Variants in CYP7B1 observed in about 807,000 individuals in gnomAD.
The protein encoded by CYP7B1 is cytochrome P450 7B1.
In CYP7B1, 29 loss-of-function variants were observed where a neutral mutation model predicts 42.7. That is an observed-to-expected ratio of 0.68 (90% confidence interval 0.51 to 0.93). The LOEUF (loss-of-function observed/expected upper bound fraction) is 0.93. Ranked by LOEUF, CYP7B1 falls within the 40% of genes least tolerant of loss-of-function variation. The probability of loss-of-function intolerance (pLI) is 0.00; values close to 1 mark genes in which losing one functional copy is unlikely to be tolerated. For missense variants in CYP7B1, 655 were observed against 600.5 expected (o/e 1.09, Z -0.95); for synonymous variants, 235 against 218.2 (o/e 1.08, Z -0.68).
At chr8:64,650,716 C>T (rs964279812) in intron 1 of CYP7B1, among the ~76,000 whole-genome samples, 3 of 152,120 alleles carry the variant, frequency 2.0e-5, no homozygotes, top group Non-Finnish European at 2.9e-5. Context: ...ATAAGCCTGG[C>T]AAAGATTTTT....
intron 1 of CYP7B1, among the ~76,000 whole-genome samples, chr8:64,665,242 G>A (rs888614786): frequency 4.6e-5 from 7 of 152,130 alleles, no homozygotes; most frequent in African/African-American, 1.4e-4. Flanking sequence ...AGGGGTGGGA[G>A]GAGATAAAGT....
chr8:64,775,875 G>A (rs181753483), intron 1 of CYP7B1, among the ~76,000 whole-genome samples: 1 of 152,242 alleles, frequency 6.6e-6, no homozygotes, highest in Non-Finnish European at 1.5e-5. Context: ...TGTGAGAATA[G>A]TAATGTCCTT....
At chr8:64,734,637 C>T (rs1807460133) in intron 1 of CYP7B1, among the ~76,000 whole-genome samples, 1 of 152,178 alleles carries the variant, frequency 6.6e-6, no homozygotes, top group Non-Finnish European at 1.5e-5. Context: ...ACATGCAAGC[C>T]ATAGCAGATC....
At chr8:64,754,780 T>C (rs935718396) in intron 1 of CYP7B1, among the ~76,000 whole-genome samples, 1 of 152,114 alleles carries the variant, frequency 6.6e-6, no homozygotes, top group African/African-American at 2.4e-5. Flanking sequence ...AGGAGTGATA[T>C]GTTGAGAATT....
chr8:64,763,438 A>G (rs73243431), intron 1 of CYP7B1, among the ~76,000 whole-genome samples: 5,655 of 152,266 alleles, frequency 0.037, 353 homozygotes, highest in African/African-American at 0.13. Flanking sequence ...GGGAACTCTA[A>G]CAACAAAGAC....
chr8:64,761,644 T>G (rs1298756943), intron 1 of CYP7B1, among the ~76,000 whole-genome samples: 1 of 152,260 alleles, frequency 6.6e-6, no homozygotes, highest in East Asian at 1.9e-4. Flanking sequence ...GTTCCCAGAG[T>G]GCCGGACACA....
chr8:64,717,172 T>A (rs1585874059), intron 1 of CYP7B1, among the ~76,000 whole-genome samples: 1 of 79,450 alleles, frequency 1.3e-5, no homozygotes, highest in African/African-American at 9.0e-5. Context: ...ATGGTACATC[T>A]TTTTTTTCCA....
intron 5 of CYP7B1, 27 bp from the exon 6 acceptor site, chr8:64,596,956 A>C (rs372145671): frequency 6.4e-7 from 1 of 1,574,784 alleles, no homozygotes; most frequent in Non-Finnish European, 8.7e-7. Flanking sequence ...TGTTAAAATT[A>C]ACATTTTATA....
intron 1 of CYP7B1, among the ~76,000 whole-genome samples, chr8:64,710,010 T>A (rs1382478337): frequency 6.6e-6 from 1 of 152,140 alleles, no homozygotes; most frequent in Non-Finnish European, 1.5e-5. Flanking sequence ...CGAGAACAGT[T>A]CTATCAGATA....
intron 1 of CYP7B1, among the ~76,000 whole-genome samples, chr8:64,652,936 G>C (rs1806062437): frequency 6.6e-6 from 1 of 152,112 alleles, no homozygotes; most frequent in African/African-American, 2.4e-5. Context: ...ACATAAAGAA[G>C]TTCTTTGAAA....
At chr8:64,646,071 C>T (rs1313591528) in intron 1 of CYP7B1, among the ~76,000 whole-genome samples, 2 of 152,112 alleles carry the variant, frequency 1.3e-5, no homozygotes, top group Non-Finnish European at 2.9e-5. Flanking sequence ...AAGACTTAAA[C>T]GTTAGACCTA....
intron 1 of CYP7B1, among the ~76,000 whole-genome samples, chr8:64,732,385 T>A (rs1807425585): frequency 1.3e-5 from 2 of 152,206 alleles, no homozygotes; most frequent in Non-Finnish European, 2.9e-5. Flanking sequence ...GGACAGCATG[T>A]GGCCTGTAGT....
At chr8:64,633,113 C>T (rs769877688) in intron 1 of CYP7B1, among the ~76,000 whole-genome samples, 4 of 152,098 alleles carry the variant, frequency 2.6e-5, no homozygotes, top group Non-Finnish European at 5.9e-5. Flanking sequence ...TACATTTCTG[C>T]ACATTTGACT....
intron 1 of CYP7B1, among the ~76,000 whole-genome samples, chr8:64,678,881 C>CTG (rs56067911): frequency 0.097 from 14,281 of 147,100 alleles, 1,159 homozygotes; most frequent in African/African-American, 0.23. Flanking sequence ...AACATCAATG[C>CTG]TGTGTGTGTG....
chr8:64,665,851 C>T (rs1806271275), intron 1 of CYP7B1, among the ~76,000 whole-genome samples: 1 of 152,100 alleles, frequency 6.6e-6, no homozygotes, highest in South Asian at 2.1e-4. Flanking sequence ...GTCAGGATTA[C>T]AGGCGTGAGC....
At chr8:64,782,124 C>T (rs929598839) in intron 1 of CYP7B1, among the ~76,000 whole-genome samples, 1 of 152,120 alleles carries the variant, frequency 6.6e-6, no homozygotes, top group Non-Finnish European at 1.5e-5. Flanking sequence ...AGCTTTATAG[C>T]CATGCTCTTT....
At chr8:64,726,556 G>A (rs145551062) in intron 1 of CYP7B1, among the ~76,000 whole-genome samples, 19 of 152,204 alleles carry the variant, frequency 1.2e-4, no homozygotes, top group Admixed American at 2.0e-4. Flanking sequence ...ATTTTTTGGC[G>A]CTGCATCTTT....
chr8:64,760,422 AT>A (rs1807871034), intron 1 of CYP7B1, among the ~76,000 whole-genome samples: 1 of 152,126 alleles, frequency 6.6e-6, no homozygotes, highest in Non-Finnish European at 1.5e-5. Flanking sequence ...TAAAAGGACC[AT>A]CGAATGGAAG....
chr8:64,636,241 G>A (rs1307896602), intron 1 of CYP7B1, among the ~76,000 whole-genome samples: 2 of 152,146 alleles, frequency 1.3e-5, no homozygotes, highest in Non-Finnish European at 2.9e-5. Flanking sequence ...CGAGGGTGCT[G>A]TAGTCTCACT....
Sources: gnomAD v4.1 joint callset for allele counts (sites outside exome capture counted in the v4.1 genomes callset) on GRCh38, gnomAD v4.1.1 for gene constraint, MANE v1.5 for transcripts, NCBI Gene and HGNC (gene_info 2026-07-23, HGNC 2026-07-21) for gene names.